PPP6R2: variants seen among roughly 807,000 people sequenced by gnomAD.
PPP6R2 encodes the protein protein phosphatase 6 regulatory subunit 2, also known as serine/threonine-protein phosphatase 6 regulatory subunit 2.
In PPP6R2, 62 loss-of-function variants were observed where a neutral mutation model predicts 100.2. The observed-to-expected ratio is 0.62, with a 90% CI of 0.50 to 0.76. The LOEUF (loss-of-function observed/expected upper bound fraction) is 0.76, where lower values mean the gene tolerates loss of function less well. Ranked by LOEUF, PPP6R2 falls within the 30% of genes least tolerant of loss-of-function variation. PPP6R2 has a pLI of 0.00. For synonymous variants in PPP6R2, 525 were observed against 514.7 expected, an observed-to-expected ratio of 1.02 and a Z score of -0.27; for missense variants, 1,142 against 1,276.3, an observed-to-expected ratio of 0.89 and a Z score of 1.60.
intron 10 of PPP6R2, among the ~76,000 whole-genome samples, chr22:50,424,516 C>T (rs562415586): frequency 1.3e-5 from 2 of 150,688 alleles, no homozygotes; most frequent in South Asian, 2.1e-4. Flanking sequence ...AAGGTCTGTC[C>T]GCGTGTGGAA....
intron 21 of PPP6R2, 108 bp from the exon 22 acceptor site, chr22:50,440,714 A>G (rs2065384788): frequency 7.9e-7 from 1 of 1,268,560 alleles, no homozygotes; most frequent in Non-Finnish European, 1.1e-6. Context: ...TGTGCAGGCA[A>G]CAGGCTGCAT....
At chr22:50,387,231 T>C (rs900390080) in intron 2 of PPP6R2, among the ~76,000 whole-genome samples, 2 of 151,930 alleles carry the variant, frequency 1.3e-5, no homozygotes, top group Non-Finnish European at 2.9e-5. Flanking sequence ...CCAGCTAGTT[T>C]TTAAAACTTT....
At chr22:50,362,605 C>T (rs1260843621) in intron 1 of PPP6R2, among the ~76,000 whole-genome samples, 1 of 152,152 alleles carries the variant, frequency 6.6e-6, no homozygotes, top group Non-Finnish European at 1.5e-5. Context: ...GTGTCCACCC[C>T]AGATTCCTAT....
At chr22:50,355,228 T>TC (rs767610011) in intron 1 of PPP6R2, among the ~76,000 whole-genome samples, 1 of 145,368 alleles carries the variant, frequency 6.9e-6, no homozygotes, top group Non-Finnish European at 1.5e-5. Flanking sequence ...CAAGCAGCCT[T>TC]CTTTTTTTTT....
At chr22:50,396,845 G>C (rs994663821) in intron 3 of PPP6R2, among the ~76,000 whole-genome samples, 2 of 152,192 alleles carry the variant, frequency 1.3e-5, no homozygotes, top group Non-Finnish European at 2.9e-5. Flanking sequence ...GCAGGGCCTT[G>C]CTGTAAGGAA....
rs1256010549 is a variant in PPP6R2 at position 50,437,847 on chromosome 22, C to T, written c.1786C>T (p.Pro596Ser). 6.4e-7 allele frequency: 1 copy of T among 1,552,756 alleles called. No individual in the cohort carries two copies. The highest frequency in any genetic ancestry group is 1.2e-5 in the South Asian group (1 of 84,290). The change falls in exon 17 of 24, where the codon CCG (proline) becomes TCG (serine). Residue 596 changes from proline to serine, a missense_variant. Transcript: ENST00000612753. ...CCATCCCCCTTGCTCTTGCAGTGCC[C>T]CGTTTGACAGGATCGCAGAGATCAA... ...FADQDDNINA[P>S]FDRIAEINFN...
chr22:50,414,575 G>T lies in PPP6R2; in HGVS notation c.438G>T (p.Lys146Asn). Residue 146 changes from lysine (K) to asparagine (N), a missense_variant, in exon 5 of 24, where the codon AAG becomes AAT. Around this residue, in one of 2 missense-constraint regions of PPP6R2, gnomAD observed 592 missense variants for 758.9 expected, o/e 0.78. Transcript: ENST00000612753. ...AGGTGATTACGTTTTTGAAGAAGAAGGACAAGTTCATCAGCCTGGTGTTGA... is the reference window on the plus strand; with the variant it reads ...AGGTGATTACGTTTTTGAAGAAGAATGACAAGTTCATCAGCCTGGTGTTGA... ...TEQVITFLKK[K>N]DKFISLVLKH... is the part of the protein sequence containing the mutation. 5 of 1,614,018 alleles carry T rather than the reference G, an allele frequency of 3.1e-6. No homozygotes were observed. The highest frequency in any genetic ancestry group is 3.4e-6 in the Non-Finnish European group (4 of 1,179,966).
chr22:50,390,139 C>A (rs1165776111), intron 2 of PPP6R2, among the ~76,000 whole-genome samples: 1 of 151,288 alleles, frequency 6.6e-6, no homozygotes, highest in African/African-American at 2.4e-5. Flanking sequence ...TTACAGGCAC[C>A]CACCACCACG....
chr22:50,358,915 C>G (rs556654608), intron 1 of PPP6R2, among the ~76,000 whole-genome samples: 2 of 150,994 alleles, frequency 1.3e-5, no homozygotes, highest in South Asian at 4.2e-4. Context: ...TATTTTCTAT[C>G]CTGTGTTAAC....
intron 1 of PPP6R2, among the ~76,000 whole-genome samples, chr22:50,363,650 G>A (rs1259576637): frequency 6.6e-6 from 1 of 152,212 alleles, no homozygotes; most frequent in Non-Finnish European, 1.5e-5. Flanking sequence ...CTGCTCATGA[G>A]CCTTTCAATC....
At chr22:50,406,067 G>A (rs1350403313) in intron 3 of PPP6R2, among the ~76,000 whole-genome samples, 4 of 135,560 alleles carry the variant, frequency 3.0e-5, no homozygotes, top group African/African-American at 2.8e-5. Context: ...GGAGAGAGGT[G>A]AGAGGCCTGG....
At chr22:50,385,399 A>G (rs12160086) in intron 2 of PPP6R2, among the ~76,000 whole-genome samples, 89 of 151,246 alleles carry the variant, frequency 5.9e-4, no homozygotes, top group Middle Eastern at 6.9e-3. Context: ...GAGTTTCACC[A>G]TGTTGGCCAG....
intron 3 of PPP6R2, among the ~76,000 whole-genome samples, chr22:50,401,846 G>A (rs1348939490): frequency 6.6e-6 from 1 of 151,758 alleles, no homozygotes; most frequent in East Asian, 1.9e-4. Flanking sequence ...GTGTTAGCCA[G>A]GATGGTCTTG....
intron 21 of PPP6R2, 85 bp from the exon 22 acceptor site, chr22:50,440,737 C>A: frequency 6.8e-7 from 1 of 1,469,680 alleles, no homozygotes; most frequent in Non-Finnish European, 9.4e-7. Context: ...GAGAGGGCCA[C>A]ATGTATGGGG....
At chr22:50,441,189 C>T (rs901024250) in intron 22 of PPP6R2, 163 bp downstream of exon 22, 13 of 666,288 alleles carry the variant, frequency 2.0e-5, no homozygotes, top group East Asian at 2.8e-5. Flanking sequence ...CTGGCTGAGG[C>T]GGCGGTGGTG....
Position 50,444,344 on chromosome 22 carries a change from T to G in PPP6R2, c.*97T>G. ...CAATCTTTTTTTTTTTTAATTTAATTTAATTTTAAAATAAATGCTGCATTG... is the reference window on the plus strand; with the variant it reads ...CAATCTTTTTTTTTTTTAATTTAATGTAATTTTAAAATAAATGCTGCATTG... On this transcript the variant is annotated 3_prime_UTR_variant, in exon 24 of 24. Coordinates refer to ENST00000612753, the MANE Select transcript of PPP6R2 (RefSeq NM_001242898.2). The G allele has an allele frequency of 7.3e-7, 1 of 1,377,894 alleles. No homozygotes were observed. Among genetic ancestry groups the G allele is most frequent in the Non-Finnish European group, 9.8e-7 (1 of 1,016,822 alleles). The allele number at this position is 1,377,894 out of a possible 1,614,324, so 85.4% of individuals were successfully genotyped here.
chr22:50,390,459 C>G (rs527829446), intron 2 of PPP6R2, among the ~76,000 whole-genome samples: 15 of 152,234 alleles, frequency 9.9e-5, no homozygotes, highest in Non-Finnish European at 1.9e-4. Flanking sequence ...TGCCAGAGAT[C>G]ATGAAGGACA....
At chr22:50,339,798 GGGTA>G (rs2042350022), upstream of PPP6R2, among the ~76,000 whole-genome samples, 1 of 100,726 alleles carries the variant, frequency 9.9e-6, no homozygotes, top group Non-Finnish European at 1.9e-5. Context: ...GGTGTGTGTG[GGGTA>G]TGTGTGTGTG....
At chr22:50,352,831 C>T (rs28874946) in intron 1 of PPP6R2, among the ~76,000 whole-genome samples, 32,854 of 151,838 alleles carry the variant, frequency 0.22, 5,166 homozygotes, top group African/African-American at 0.44. Context: ...CTTTGGGAGG[C>T]TGAGTGGGGA....
Sources: allele counts gnomAD v4.1 joint callset (sites outside exome capture counted in the v4.1 genomes callset), GRCh38; gene constraint gnomAD v4.1.1; regional missense constraint gnomAD v4.1.1; transcripts MANE v1.5; gene names NCBI Gene and HGNC (gene_info 2026-07-23, HGNC 2026-07-21).